Variants in HCRTR2 observed in about 807,000 individuals in gnomAD.
HCRTR2 encodes hypocretin receptor 2, also known as orexin receptor type 2.
HCRTR2 carries 22 observed loss-of-function variants against 49.0 expected under a neutral mutation model. The ratio of observed to expected loss-of-function variants is 0.45; its 90% CI spans 0.32 to 0.64. HCRTR2 has a LOEUF of 0.64. Among genes scored for constraint, HCRTR2 ranks in the 30% least tolerant of loss-of-function variants. The pLI, the probability that HCRTR2 is intolerant of heterozygous loss-of-function variation, is 0.04. For synonymous variants in HCRTR2, 236 were observed against 205.3 expected, an observed-to-expected ratio of 1.15 and a Z score of -1.28; for missense variants, 491 against 559.4, an observed-to-expected ratio of 0.88 and a Z score of 1.23.
At chr6:55,236,691 G>A (rs1257189119) in intron 1 of HCRTR2, among the ~76,000 whole-genome samples, 1 of 152,038 alleles carries the variant, frequency 6.6e-6, no homozygotes, top group East Asian at 1.9e-4. Flanking sequence ...ACTTGGAGGT[G>A]ATGCATTTTT....
intron 2 of HCRTR2, among the ~76,000 whole-genome samples, chr6:55,250,509 G>T (rs1766528690): frequency 6.6e-6 from 1 of 152,098 alleles, no homozygotes; most frequent in African/African-American, 2.4e-5. Context: ...CAACTGACTG[G>T]TAACATTTCA....
intron 1 of HCRTR2, among the ~76,000 whole-genome samples, chr6:55,146,295 C>T (rs1344592980): frequency 6.6e-6 from 1 of 152,034 alleles, no homozygotes; most frequent in African/African-American, 2.4e-5. Context: ...AAAGGAAGGA[C>T]ACTGGCATTA....
intron 4 of HCRTR2, among the ~76,000 whole-genome samples, chr6:55,269,460 A>G (rs1308206905): frequency 6.6e-6 from 1 of 152,220 alleles, no homozygotes; most frequent in Non-Finnish European, 1.5e-5. Flanking sequence ...AGAAAATCCT[A>G]ACGAATTATT....
chr6:55,255,928 G>T (rs9382473), intron 3 of HCRTR2, among the ~76,000 whole-genome samples: 1 of 151,998 alleles, frequency 6.6e-6, no homozygotes. Flanking sequence ...ATTGCTACTC[G>T]CATAATTATT....
chr6:55,148,683 A>G (rs1475792485), intron 1 of HCRTR2, among the ~76,000 whole-genome samples: 1 of 152,146 alleles, frequency 6.6e-6, no homozygotes, highest in Non-Finnish European at 1.5e-5. Context: ...AAAATACTGT[A>G]TCTCTGAGAT....
Position 55,167,409 on chromosome 6 carries a change from AT to A in HCRTR2, c.-377-6792del, listed in dbSNP as rs965679209. Among the ~76,000 whole-genome samples the A allele has an allele frequency of 6.4e-4, 96 of 149,690 alleles. 1 individual carries two copies. Among genetic ancestry groups the A allele is most frequent in the Admixed American group, 3.7e-3 (55 of 14,928 alleles). On this transcript the variant is annotated intron_variant, in intron 1 of 7. Transcript: ENST00000615358. Reference sequence around the variant, plus strand: ...GATGAATTTCACAACACAATGGATCATTTTTTTTTTCATGTGGAAAATCAGA... The same window carrying A: ...GATGAATTTCACAACACAATGGATCATTTTTTTTTCATGTGGAAAATCAGA...
chr6:55,224,880 C>T (rs186393971), intron 1 of HCRTR2, among the ~76,000 whole-genome samples: 2 of 151,910 alleles, frequency 1.3e-5, no homozygotes, highest in African/African-American at 2.4e-5. Flanking sequence ...GTTGGGGAAA[C>T]GGTCAAAGAA....
intron 1 of HCRTR2, among the ~76,000 whole-genome samples, chr6:55,117,804 A>AAAG (rs57338357): frequency 6.7e-6 from 1 of 149,268 alleles, no homozygotes; most frequent in Non-Finnish European, 1.5e-5. Context: ...AAAAAAAAAA[A>AAAG]GGGAACTGGA....
chr6:55,277,261 C>T, intron 4 of HCRTR2, 119 bp from the exon 5 acceptor site: 1 of 813,160 alleles, frequency 1.2e-6, no homozygotes, highest in Non-Finnish European at 2.1e-6. Flanking sequence ...AACAGGCGCT[C>T]AAACCTCCCA....
intron 1 of HCRTR2, among the ~76,000 whole-genome samples, chr6:55,239,846 C>T (rs1766288625): frequency 6.9e-6 from 1 of 145,880 alleles, no homozygotes. Context: ...GGCACGATCT[C>T]GGCTCACTGC....
intron 1 of HCRTR2, among the ~76,000 whole-genome samples, chr6:55,203,102 G>C (rs1581826905): frequency 6.6e-6 from 1 of 152,142 alleles, no homozygotes; most frequent in East Asian, 1.9e-4. Context: ...ACATAATTAG[G>C]AACCCCTCTC....
intron 1 of HCRTR2, among the ~76,000 whole-genome samples, chr6:55,160,216 A>T (rs1362425267): frequency 6.6e-6 from 1 of 152,188 alleles, no homozygotes; most frequent in Non-Finnish European, 1.5e-5. Context: ...TTCAACCCAC[A>T]ATTTCATATC....
chr6:55,268,390 A>G (rs1766902187), intron 4 of HCRTR2, among the ~76,000 whole-genome samples: 1 of 152,020 alleles, frequency 6.6e-6, no homozygotes, highest in Admixed American at 6.6e-5. Context: ...CAATACTTCA[A>G]TCAAAGGGCA....
At chr6:55,197,476 T>G (rs1351141664) in intron 1 of HCRTR2, among the ~76,000 whole-genome samples, 1 of 152,168 alleles carries the variant, frequency 6.6e-6, no homozygotes, top group Non-Finnish European at 1.5e-5. Context: ...CAATTCTATC[T>G]GTAATCCTAA....
At chr6:55,193,393 G>A (rs1765354227) in intron 1 of HCRTR2, among the ~76,000 whole-genome samples, 1 of 152,056 alleles carries the variant, frequency 6.6e-6, no homozygotes, top group Admixed American at 6.5e-5. Context: ...AATGACAGGA[G>A]GGTCAAAAGA....
At chr6:55,167,473 C>T (rs1234990498) in intron 1 of HCRTR2, among the ~76,000 whole-genome samples, 2 of 151,934 alleles carry the variant, frequency 1.3e-5, no homozygotes, top group Non-Finnish European at 2.9e-5. Flanking sequence ...ACCTGCTGCT[C>T]ACCTAAAAGT....
chr6:55,112,548 C>CAAA (rs34704863), intron 1 of HCRTR2, among the ~76,000 whole-genome samples: 10 of 79,142 alleles, frequency 1.3e-4, no homozygotes, highest in South Asian at 8.9e-4. Flanking sequence ...ACAATAGCTG[C>CAAA]AAAAAAAAAA....
At chr6:55,152,298 G>A (rs1204052249) in intron 1 of HCRTR2, among the ~76,000 whole-genome samples, 3 of 151,518 alleles carry the variant, frequency 2.0e-5, no homozygotes, top group Non-Finnish European at 4.4e-5. Flanking sequence ...ATTTCATTGT[G>A]GTTTTGATTT....
intron 1 of HCRTR2, among the ~76,000 whole-genome samples, chr6:55,196,701 G>A (rs182994981): frequency 1.0e-3 from 156 of 152,152 alleles, no homozygotes; most frequent in African/African-American, 3.6e-3. Context: ...TGGTGAGAAG[G>A]AAGAAAAAGA....
Sources: gnomAD v4.1 joint callset for allele counts (sites outside exome capture counted in the v4.1 genomes callset) on GRCh38, gnomAD v4.1.1 for gene constraint, MANE v1.5 for transcripts, NCBI Gene and HGNC (gene_info 2026-07-23, HGNC 2026-07-21) for gene names.